SLC24A3: variants seen among roughly 807,000 people sequenced by gnomAD.
SLC24A3 encodes the protein sodium/potassium/calcium exchanger 3.
SLC24A3 carries 28 observed loss-of-function variants against 75.8 expected under a neutral mutation model. That is an observed-to-expected ratio of 0.37 (90% confidence interval 0.27 to 0.51). The LOEUF is 0.51. Ranked by LOEUF, SLC24A3 falls within the 20% of genes least tolerant of loss-of-function variation. The probability of loss-of-function intolerance (pLI) is 0.94; values close to 1 mark genes in which losing one functional copy is unlikely to be tolerated. For missense variants in SLC24A3, 663 were observed against 847.8 expected (o/e 0.78, Z 2.71); for synonymous variants, 372 against 334.1 (o/e 1.11, Z -1.24).
intron 2 of SLC24A3, among the ~76,000 whole-genome samples, chr20:19,463,460 G>A (rs572757596): frequency 2.5e-4 from 38 of 152,250 alleles, no homozygotes; most frequent in African/African-American, 8.7e-4. Flanking sequence ...TTTTCTATTC[G>A]CAAGTATCAA....
intron 2 of SLC24A3, among the ~76,000 whole-genome samples, chr20:19,445,404 A>G (rs1030301473): frequency 1.3e-5 from 2 of 152,230 alleles, no homozygotes; most frequent in Non-Finnish European, 2.9e-5. Context: ...ATTTGTATTT[A>G]TGCACAATGC....
Position 19,571,491 on chromosome 20 carries a change from G to C in SLC24A3, c.349-8509G>C, listed in dbSNP as rs112511927. Among the ~76,000 whole-genome samples, 7 of 152,254 alleles carry C rather than the reference G, an allele frequency of 4.6e-5. No homozygotes were observed. The East Asian group carries it at 1.4e-3, about 29-fold the overall frequency. ...AGAAAAAGAAGGAGAACAAAGGGGGGAAAGTAGAATAATCTTTTCCTGCTG... is the reference window on the plus strand; with the variant it reads ...AGAAAAAGAAGGAGAACAAAGGGGGCAAAGTAGAATAATCTTTTCCTGCTG... On this transcript the variant is annotated intron_variant, in intron 3 of 16. Transcript: ENST00000328041.
chr20:19,465,278 C>T (rs1434265395), intron 2 of SLC24A3, among the ~76,000 whole-genome samples: 2 of 152,036 alleles, frequency 1.3e-5, no homozygotes, highest in Admixed American at 6.5e-5. Flanking sequence ...CTGAGAGGCC[C>T]AGGGGTCTGA....
chr20:19,336,499 C>G (rs973830874), intron 2 of SLC24A3, among the ~76,000 whole-genome samples: 6 of 152,150 alleles, frequency 3.9e-5, no homozygotes, highest in Non-Finnish European at 8.8e-5. Flanking sequence ...GATTCTCATC[C>G]CTCAGCTTCC....
At chr20:19,438,448 A>G (rs1987243164) in intron 2 of SLC24A3, among the ~76,000 whole-genome samples, 1 of 152,054 alleles carries the variant, frequency 6.6e-6, no homozygotes, top group Non-Finnish European at 1.5e-5. Context: ...GCTGGCCTCT[A>G]TACAGGACAT....
chr20:19,386,499 T>TA (rs1198715964), intron 2 of SLC24A3, among the ~76,000 whole-genome samples: 1 of 152,210 alleles, frequency 6.6e-6, no homozygotes, highest in African/African-American at 2.4e-5. Context: ...TAATAGCTCT[T>TA]AGAGTATAAG....
intron 2 of SLC24A3, among the ~76,000 whole-genome samples, chr20:19,403,687 G>A (rs1359076534): frequency 6.6e-6 from 1 of 152,218 alleles, no homozygotes; most frequent in Non-Finnish European, 1.5e-5. Context: ...TAGTCACGCA[G>A]AGATGTAGCA....
At chr20:19,650,674 A>G (rs1204259949) in intron 6 of SLC24A3, among the ~76,000 whole-genome samples, 1 of 151,406 alleles carries the variant, frequency 6.6e-6, no homozygotes, top group Non-Finnish European at 1.5e-5. Flanking sequence ...ATCTTCCCCT[A>G]AAGAATTATA....
At chr20:19,267,362 A>G (rs906591043) in intron 1 of SLC24A3, among the ~76,000 whole-genome samples, 3 of 152,214 alleles carry the variant, frequency 2.0e-5, no homozygotes, top group Non-Finnish European at 4.4e-5. Flanking sequence ...TATAACTACT[A>G]AATCAAGATA....
At chr20:19,655,517 G>T (rs989927883) in intron 7 of SLC24A3, among the ~76,000 whole-genome samples, 1 of 152,140 alleles carries the variant, frequency 6.6e-6, no homozygotes, top group Non-Finnish European at 1.5e-5. Context: ...CTGGGCTAAG[G>T]TGTGCCCAGA....
At chr20:19,368,339 C>A (rs142943086) in intron 2 of SLC24A3, among the ~76,000 whole-genome samples, 11 of 152,190 alleles carry the variant, frequency 7.2e-5, no homozygotes, top group African/African-American at 2.2e-4. Context: ...AGCAGCAAAC[C>A]AAGATCCCAA....
At chr20:19,671,969 G>A (rs1310590504) in intron 8 of SLC24A3, among the ~76,000 whole-genome samples, 1 of 152,152 alleles carries the variant, frequency 6.6e-6, no homozygotes, top group East Asian at 1.9e-4. Flanking sequence ...CAGGGGTGTG[G>A]CCTCTCGGCA....
intron 2 of SLC24A3, among the ~76,000 whole-genome samples, chr20:19,449,004 T>A (rs1461341205): frequency 6.6e-6 from 1 of 152,092 alleles, no homozygotes; most frequent in Non-Finnish European, 1.5e-5. Flanking sequence ...GATGGACACA[T>A]GTAGGGACCT....
intron 4 of SLC24A3, among the ~76,000 whole-genome samples, chr20:19,582,610 C>G (rs370176276): frequency 6.6e-6 from 1 of 152,204 alleles, no homozygotes; most frequent in Non-Finnish European, 1.5e-5. Context: ...CATGCCAGCC[C>G]CTTCCCCTGT....
At chr20:19,399,009 A>G (rs748525779) in intron 2 of SLC24A3, among the ~76,000 whole-genome samples, 1 of 152,030 alleles carries the variant, frequency 6.6e-6, no homozygotes, top group Non-Finnish European at 1.5e-5. Flanking sequence ...CAAATTATCT[A>G]TTTCTTTGGT....
chr20:19,720,608 G>A (rs1349024794), intron 16 of SLC24A3, among the ~76,000 whole-genome samples: 1 of 152,110 alleles, frequency 6.6e-6, no homozygotes, highest in Non-Finnish European at 1.5e-5. Context: ...CCTGAGGACT[G>A]AGGGGTCAGT....
intron 1 of SLC24A3, among the ~76,000 whole-genome samples, chr20:19,254,378 C>T (rs1287680289): frequency 1.3e-5 from 2 of 152,164 alleles, no homozygotes; most frequent in African/African-American, 4.8e-5. Flanking sequence ...CACTACATTG[C>T]TTGCCACCTC....
chr20:19,662,751 G>C (rs78615173), intron 7 of SLC24A3, among the ~76,000 whole-genome samples: 1 of 152,220 alleles, frequency 6.6e-6, no homozygotes, highest in South Asian at 2.1e-4. Flanking sequence ...TACGCAACAC[G>C]TGTCTTAAAT....
intron 1 of SLC24A3, among the ~76,000 whole-genome samples, chr20:19,247,018 C>T (rs1449153232): frequency 2.0e-5 from 3 of 152,022 alleles, no homozygotes; most frequent in Admixed American, 6.5e-5. Flanking sequence ...TTATAATCAG[C>T]GTAATAAGTC....
Sources: gnomAD v4.1 joint callset for allele counts (sites outside exome capture counted in the v4.1 genomes callset) on GRCh38, gnomAD v4.1.1 for gene constraint, MANE v1.5 for transcripts, NCBI Gene and HGNC (gene_info 2026-07-23, HGNC 2026-07-21) for gene names.